The following PDSS2 variants were observed in gnomAD, a reference collection of about 807,000 sequenced individuals.
The protein encoded by PDSS2 is decaprenyl diphosphate synthase subunit 2, also known as all trans-polyprenyl-diphosphate synthase PDSS2.
PDSS2 carries 31 observed loss-of-function variants against 44.5 expected under a neutral mutation model. The observed-to-expected ratio is 0.70, with a 90% CI of 0.52 to 0.94. PDSS2 has a LOEUF of 0.94. Among genes scored for constraint, PDSS2 ranks in the 40% least tolerant of loss-of-function variants. PDSS2 has a pLI of 0.00. For missense variants in PDSS2, 452 were observed against 482.2 expected (o/e 0.94, Z 0.59); for synonymous variants, 157 against 180.3 (o/e 0.87, Z 1.03).
At chr6:107,156,474 G>T (rs530578809) in intron 7 of PDSS2, among the ~76,000 whole-genome samples, 1 of 152,020 alleles carries the variant, frequency 6.6e-6, no homozygotes, top group Non-Finnish European at 1.5e-5. Flanking sequence ...GATTACAGGC[G>T]TGAGCCACCA....
intron 2 of PDSS2, among the ~76,000 whole-genome samples, chr6:107,276,488 C>T (rs544753503): frequency 2.2e-4 from 34 of 152,270 alleles, no homozygotes; most frequent in African/African-American, 6.5e-4. Context: ...ACCCATGGAG[C>T]CACATCCATA....
chr6:107,355,078 A>G (rs1043007219), intron 1 of PDSS2, among the ~76,000 whole-genome samples: 7 of 152,062 alleles, frequency 4.6e-5, no homozygotes, highest in African/African-American at 1.7e-4. Flanking sequence ...GACTACAGGC[A>G]TGCGCCACCA....
At chr6:107,222,043 T>C (rs531238072) in intron 4 of PDSS2, among the ~76,000 whole-genome samples, 49 of 152,370 alleles carry the variant, frequency 3.2e-4, no homozygotes, top group African/African-American at 1.1e-3. Flanking sequence ...ACTATCTTTA[T>C]AAATACAACC....
intron 2 of PDSS2, among the ~76,000 whole-genome samples, chr6:107,277,655 A>C (rs901133467): frequency 6.6e-6 from 1 of 152,154 alleles, no homozygotes; most frequent in Non-Finnish European, 1.5e-5. Flanking sequence ...GGAGAGAAAT[A>C]AATATAGAAT....
chr6:107,211,674 G>A (rs1021764123), intron 5 of PDSS2, among the ~76,000 whole-genome samples: 12 of 149,570 alleles, frequency 8.0e-5, no homozygotes. Flanking sequence ...AGGTTGCGTT[G>A]CAGTGAGCTG....
intron 2 of PDSS2, among the ~76,000 whole-genome samples, chr6:107,291,116 A>T (rs1437075829): frequency 2.0e-5 from 3 of 152,148 alleles, no homozygotes; most frequent in Admixed American, 2.0e-4. Context: ...TTAACTAATT[A>T]TAAGTGCCAA....
chr6:107,354,725 G>A (rs1778541412), intron 1 of PDSS2, among the ~76,000 whole-genome samples: 1 of 152,168 alleles, frequency 6.6e-6, no homozygotes, highest in South Asian at 2.1e-4. Flanking sequence ...TCGTCTTAGA[G>A]ACCTTGATCT....
Position 107,320,492 on chromosome 6 carries a change from C to T in PDSS2, c.431+13706G>A, listed in dbSNP as rs190125915. Among the ~76,000 whole-genome samples, 219 of 152,132 alleles carry T rather than the reference C, an allele frequency of 1.4e-3. 1 individual carries two copies. The highest frequency in any genetic ancestry group is 2.6e-4 in the Non-Finnish European group (18 of 67,988). Reference sequence around the variant, plus strand: ...TTCAGGACTAATGACAAATGAAATACACTTTACTCTTTGTCTATAGGGAAA... The same window carrying T: ...TTCAGGACTAATGACAAATGAAATATACTTTACTCTTTGTCTATAGGGAAA... On this transcript the variant is annotated intron_variant, in intron 2 of 7. Transcript: ENST00000369037.
chr6:107,326,104 CTTT>C (rs1177945820), intron 2 of PDSS2, among the ~76,000 whole-genome samples: 10 of 136,202 alleles, frequency 7.3e-5, no homozygotes, highest in Admixed American at 2.2e-4. Flanking sequence ...TTTCTTTTTT[CTTT>C]TTTTTTTTTT....
rs777004545 is a variant in PDSS2 at position 107,195,561 on chromosome 6, ATT to A, written c.1009-1709_1009-1708del. ...TAAAAATTTTTCTGAAGATGACTCC[ATT>A]TTTTTTTTTTTTTTTGAGATGCAGT... On this transcript the variant is annotated intron_variant, in intron 6 of 7. Transcript: ENST00000369037. 1.3e-3 allele frequency among the ~76,000 whole-genome samples: 157 copies of A among 125,018 alleles called. 1 individual carries two copies. Among genetic ancestry groups the A allele is most frequent in the East Asian group, 0.013 (52 of 4,148 alleles). The allele number at this position is 125,018 out of a possible 152,430, so 82.0% of individuals were successfully genotyped here. A position where few individuals can be genotyped will look rare whatever the true frequency, so the allele number is the denominator to read the frequency against.
At chr6:107,378,762 G>A (rs1314136344) in intron 1 of PDSS2, among the ~76,000 whole-genome samples, 9 of 152,134 alleles carry the variant, frequency 5.9e-5, no homozygotes, top group African/African-American at 1.7e-4. Context: ...CTCCAGCCTG[G>A]GCGACAGAGT....
chr6:107,419,232 C>A (rs1409366058), intron 1 of PDSS2, among the ~76,000 whole-genome samples: 1 of 152,080 alleles, frequency 6.6e-6, no homozygotes, highest in African/African-American at 2.4e-5. Context: ...GGATATCAAT[C>A]TAAAACCACA....
intron 1 of PDSS2, among the ~76,000 whole-genome samples, chr6:107,412,130 C>T (rs956465501): frequency 4.6e-5 from 7 of 151,828 alleles, no homozygotes; most frequent in African/African-American, 1.5e-4. Context: ...TCAGGTGATC[C>T]ACCTGCCTCA....
chr6:107,433,919 T>G (rs889082938), intron 1 of PDSS2, among the ~76,000 whole-genome samples: 1 of 152,026 alleles, frequency 6.6e-6, no homozygotes, highest in Non-Finnish European at 1.5e-5. Context: ...CTCAAACAAC[T>G]TGAAGGGAAA....
At chr6:107,203,519 G>A (rs948372281) in intron 6 of PDSS2, among the ~76,000 whole-genome samples, 4 of 151,892 alleles carry the variant, frequency 2.6e-5, no homozygotes, top group African/African-American at 9.7e-5. Flanking sequence ...ATATAATATA[G>A]CCAGATTTAC....
At chr6:107,305,852 G>A (rs992511941) in intron 2 of PDSS2, among the ~76,000 whole-genome samples, 4 of 152,176 alleles carry the variant, frequency 2.6e-5, no homozygotes, top group Non-Finnish European at 5.9e-5. Flanking sequence ...GTTGGTTCCA[G>A]AAACTTACAG....
intron 1 of PDSS2, among the ~76,000 whole-genome samples, chr6:107,335,476 G>C (rs1321459322): frequency 6.6e-6 from 1 of 152,180 alleles, no homozygotes; most frequent in Non-Finnish European, 1.5e-5. Context: ...AAAAGACGCA[G>C]AAATTTGATA....
chr6:107,183,833 T>G (rs1380014503), intron 7 of PDSS2, among the ~76,000 whole-genome samples: 3 of 151,710 alleles, frequency 2.0e-5, no homozygotes, highest in African/African-American at 7.3e-5. Flanking sequence ...AAGTGGAGGT[T>G]GCAGTGAGCT....
chr6:107,193,962 C>T (rs1307235800), intron 6 of PDSS2, 108 bp from the exon 7 acceptor site: 1 of 758,536 alleles, frequency 1.3e-6, no homozygotes, highest in Admixed American at 1.8e-5. Flanking sequence ...CCCCCTTTCC[C>T]TCTCTCTATT....
Sources: gnomAD v4.1 joint callset for allele counts (sites outside exome capture counted in the v4.1 genomes callset) on GRCh38, gnomAD v4.1.1 for gene constraint, MANE v1.5 for transcripts, NCBI Gene and HGNC (gene_info 2026-07-23, HGNC 2026-07-21) for gene names.